The following WDR75 variants were observed in gnomAD, a reference collection of about 807,000 sequenced individuals.
The protein encoded by WDR75 is WD repeat domain 75.
Under a neutral mutation model 106.1 loss-of-function variants are expected in WDR75, and 52 were observed. The ratio of observed to expected loss-of-function variants is 0.49; its 90% CI spans 0.39 to 0.62. The LOEUF (loss-of-function observed/expected upper bound fraction) is 0.62, where lower values mean the gene tolerates loss of function less well. Among genes scored for constraint, WDR75 ranks in the 20% least tolerant of loss-of-function variants. The probability of loss-of-function intolerance (pLI) is 0.00; values close to 1 mark genes in which losing one functional copy is unlikely to be tolerated. For missense variants in WDR75, 905 were observed against 970.3 expected (o/e 0.93, Z 0.89); for synonymous variants, 333 against 335.5 (o/e 0.99, Z 0.08).
intron 11 of WDR75, 85 bp from the exon 12 acceptor site, chr2:189,464,994 G>A: frequency 9.5e-7 from 1 of 1,048,408 alleles, no homozygotes; most frequent in Non-Finnish European, 1.4e-6. Flanking sequence ...CTTGGATGTA[G>A]TTAATTATCA....
chr2:189,474,655 G>T, intron 19 of WDR75, 62 bp from the exon 20 acceptor site: 1 of 1,410,142 alleles, frequency 7.1e-7, no homozygotes, highest in Non-Finnish European at 1.0e-6. Flanking sequence ...GGACACTGTA[G>T]GAACAGACTG....
At chr2:189,468,601 C>T in intron 15 of WDR75, 32 bp downstream of exon 15, 1 of 1,602,976 alleles carries the variant, frequency 6.2e-7, no homozygotes, top group Non-Finnish European at 8.5e-7. Flanking sequence ...AGTGATCTGG[C>T]AAAGCGCATA....
At chr2:189,445,240 C>T (rs1328457204) in intron 1 of WDR75, among the ~76,000 whole-genome samples, 3 of 152,192 alleles carry the variant, frequency 2.0e-5, no homozygotes, top group Non-Finnish European at 4.4e-5. Flanking sequence ...TCAGCTAATA[C>T]ATAATAAAGC....
chr2:189,466,295 T>A, intron 12 of WDR75, 130 bp from the exon 13 acceptor site: 1 of 1,004,788 alleles, frequency 1.0e-6, no homozygotes. Flanking sequence ...CTCAATTGTT[T>A]GTCATTCTAC....
intron 16 of WDR75, 43 bp downstream of exon 16, chr2:189,469,482 C>T (rs755983639): frequency 6.7e-7 from 1 of 1,482,302 alleles, no homozygotes; most frequent in Admixed American, 1.7e-5. Flanking sequence ...CATCTATGAC[C>T]TAAGTTTTCT....
chr2:189,451,525 A>G (rs1362740396), intron 3 of WDR75, among the ~76,000 whole-genome samples: 1 of 152,232 alleles, frequency 6.6e-6, no homozygotes, highest in African/African-American at 2.4e-5. Flanking sequence ...CTGTACACAA[A>G]GTCCTTATAG....
At chr2:189,451,784 A>G (rs200806306) in intron 3 of WDR75, 21 bp from the exon 4 acceptor site, 71 of 1,600,958 alleles carry the variant, frequency 4.4e-5, no homozygotes, top group Non-Finnish European at 5.3e-5. Context: ...AGTAAACACT[A>G]TGGTGCTCTT....
At chr2:189,461,397 A>G (rs2105564910) in intron 8 of WDR75, among the ~76,000 whole-genome samples, 1 of 152,244 alleles carries the variant, frequency 6.6e-6, no homozygotes, top group African/African-American at 2.4e-5. Flanking sequence ...AGGAGAATTG[A>G]TGTTTTTATA....
chr2:189,458,340 T>G (rs1378052471), intron 6 of WDR75, among the ~76,000 whole-genome samples: 1 of 152,192 alleles, frequency 6.6e-6, no homozygotes, highest in African/African-American at 2.4e-5. Context: ...ATTGATCCCT[T>G]TGGATTTGTC....
At chr2:189,451,735 T>C in intron 3 of WDR75, 70 bp from the exon 4 acceptor site, 2 of 1,388,934 alleles carry the variant, frequency 1.4e-6, no homozygotes, top group South Asian at 2.4e-5. Context: ...TAAAAACCCC[T>C]GCCTTGATGG....
chr2:189,442,611 C>A (rs898600427), intron 1 of WDR75, among the ~76,000 whole-genome samples: 1 of 151,710 alleles, frequency 6.6e-6, no homozygotes, highest in Admixed American at 6.6e-5. Context: ...CCACCACGCC[C>A]GCTAATTTTT....
chr2:189,446,500 C>A (rs1278498601), intron 1 of WDR75, among the ~76,000 whole-genome samples: 2 of 152,200 alleles, frequency 1.3e-5, no homozygotes, highest in East Asian at 1.9e-4. Flanking sequence ...TTTCATACAA[C>A]CATGCCTCCT....
At chr2:189,455,602 A>G in intron 5 of WDR75, 158 bp downstream of exon 5, 1 of 941,664 alleles carries the variant, frequency 1.1e-6, no homozygotes. Context: ...GCATGTATTT[A>G]TGGTATAGAT....
At position 189,457,388 on chromosome 2, in the gene WDR75, ATTATTTT is replaced by A. The variant is rs776139018; in HGVS notation, c.569+13_569+19del. The A allele has an allele frequency of 4.0e-6, 6 of 1,507,214 alleles. No homozygotes were observed. The African/African-American group carries it at 8.3e-5, about 21-fold the overall frequency. 93.4% of individuals were successfully genotyped at this position (1,507,214 alleles called of 1,614,324 possible). ...AAAAGAAAACAACATCAAGGTAAGA[ATTATTTT>A]TTATTAGCTTTATTTTATTTGCTCA... On this transcript the variant is annotated splice_region_variant and intron_variant, in intron 6 of 20. Coordinates refer to ENST00000314761, the MANE Select transcript of WDR75 (RefSeq NM_032168.3).
Position 189,468,526 on chromosome 2 carries a change from T to C in WDR75, c.1680T>C (p.Thr560=), listed in dbSNP as rs1687051275. 1.9e-6 allele frequency: 3 copies of C among 1,613,300 alleles called. No homozygotes were observed. Among genetic ancestry groups the C allele is most frequent in the South Asian group, 2.2e-5 (2 of 91,066 alleles). ...GTTCAAAGTATCTACTTGGTGCTAC[T>C]GAAAATGGCATTCTTTGCTGTTGGA... The part of the protein sequence containing the change: ...LTCSKYLLGA[T]ENGILCCWNL... The change falls in exon 15 of 21, where the codon ACT becomes ACC. Residue 560 remains threonine, a synonymous_variant. Coordinates refer to ENST00000314761, the MANE Select transcript of WDR75 (RefSeq NM_032168.3).
At chr2:189,457,415 T>C in intron 6 of WDR75, 34 bp downstream of exon 6, 1 of 1,339,902 alleles carries the variant, frequency 7.5e-7, no homozygotes, top group Non-Finnish European at 1.1e-6. Flanking sequence ...TTATTTTATT[T>C]GCTCAAGAGT....
rs6718770 is a variant in WDR75, at chr2:189,468,363, A to G, written c.1629-112A>G. The G allele has an allele frequency of 5.2e-3, 4,476 of 860,022 alleles. 142 individuals are homozygous for G. The African/African-American group carries it at 0.069, about 13-fold the overall frequency. 53.3% of individuals were successfully genotyped at this position (860,022 alleles called of 1,614,324 possible). On this transcript the variant is annotated intron_variant, in intron 14 of 20. Transcript: ENST00000314761. ...AGGATAATTATAAACAAAAATATAT[A>G]TGTCTATATAAAAATCTGCATTACA...
intron 1 of WDR75, among the ~76,000 whole-genome samples, chr2:189,444,064 T>G (rs1275004083): frequency 6.6e-6 from 1 of 152,054 alleles, no homozygotes; most frequent in African/African-American, 2.4e-5. Flanking sequence ...AATTCAGGAC[T>G]GAAGTTTGGA....
In WDR75 at chr2:189,475,411, C is replaced by T; in HGVS notation, c.2487C>T (p.Ala829=). The T allele has an allele frequency of 1.3e-6, 2 of 1,596,496 alleles. No individual in the cohort carries two copies. Among genetic ancestry groups the T allele is most frequent in the Non-Finnish European group, 1.7e-6 (2 of 1,172,284 alleles). The change falls in exon 21 of 21, where the codon GCC becomes GCT. Residue 829 remains alanine, a synonymous_variant. Transcript: ENST00000314761. ...AAATAGACTACAGCTGGATAGCTGCCCTTTAAGCCTTGGAGATGGGGAGGA... is the reference window on the plus strand; with the variant it reads ...AAATAGACTACAGCTGGATAGCTGCTCTTTAAGCCTTGGAGATGGGGAGGA... ...FRKIDYSWIA[A]L
Sources: allele counts gnomAD v4.1 joint callset (sites outside exome capture counted in the v4.1 genomes callset), GRCh38; gene constraint gnomAD v4.1.1; transcripts MANE v1.5; gene names NCBI Gene and HGNC (gene_info 2026-07-23, HGNC 2026-07-21).